The following GABRB2 variants were observed in gnomAD, a reference collection of about 807,000 sequenced individuals.
GABRB2 encodes gamma-aminobutyric acid receptor subunit beta-2.
In GABRB2, 16 loss-of-function variants were observed where a neutral mutation model predicts 54.7. The ratio of observed to expected loss-of-function variants is 0.29; its 90% CI spans 0.20 to 0.44. GABRB2 has a LOEUF of 0.44. Among genes scored for constraint, GABRB2 ranks in the 20% least tolerant of loss-of-function variants. GABRB2 has a pLI of 1.00. For missense variants in GABRB2, 355 were observed against 644.0 expected, an observed-to-expected ratio of 0.55 and a Z score of 4.86; for synonymous variants, 244 against 233.8, an observed-to-expected ratio of 1.04 and a Z score of -0.40.
intron 4 of GABRB2, among the ~76,000 whole-genome samples, chr5:161,424,903 T>C (rs1024135112): frequency 1.3e-4 from 20 of 152,122 alleles, no homozygotes; most frequent in African/African-American, 4.6e-4. Context: ...CCAACATTAA[T>C]AAGAGTTTAG....
chr5:161,331,500 T>A (rs1436319893), intron 7 of GABRB2, among the ~76,000 whole-genome samples: 1 of 152,134 alleles, frequency 6.6e-6, no homozygotes, highest in Non-Finnish European at 1.5e-5. Context: ...TAGAGACTTT[T>A]GAGCTGATTT....
chr5:161,319,268 C>T (rs1758137936), intron 9 of GABRB2, among the ~76,000 whole-genome samples: 1 of 150,600 alleles, frequency 6.6e-6, no homozygotes. Context: ...AACACAGAGA[C>T]CCAGGCAAGG....
rs367696460 is a variant in GABRB2, at chr5:161,521,356, T to A, written c.237+23871A>T. Reference sequence around the variant, plus strand: ...CAGTAAGTAGAGCAGTGAATGTGAGTCTGTAGAATCAGAATTCTAGTTGAA... The same window carrying A: ...CAGTAAGTAGAGCAGTGAATGTGAGACTGTAGAATCAGAATTCTAGTTGAA... On this transcript the variant is annotated intron_variant, in intron 3 of 9. Transcript: ENST00000393959. Among the ~76,000 whole-genome samples the A allele has an allele frequency of 1.6e-3, 247 of 152,042 alleles. 4 individuals carry two copies. Among genetic ancestry groups the A allele is most frequent in the African/African-American group, 5.7e-3 (237 of 41,520 alleles).
intron 5 of GABRB2, among the ~76,000 whole-genome samples, chr5:161,349,517 GCTGTATTTATTGATGCA>G (rs1199972224): frequency 6.6e-6 from 1 of 152,070 alleles, no homozygotes; most frequent in Admixed American, 6.6e-5. Context: ...TGGAGTGTAG[GCTGTATTTATTGATGCA>G]CTTCTGAAAA....
At chr5:161,501,040 T>C (rs1759422872) in intron 3 of GABRB2, among the ~76,000 whole-genome samples, 1 of 149,208 alleles carries the variant, frequency 6.7e-6, no homozygotes, top group Non-Finnish European at 1.5e-5. Context: ...TGTGTCCATG[T>C]GTATTTTTAA....
intron 9 of GABRB2, among the ~76,000 whole-genome samples, chr5:161,309,866 C>T (rs189938068): frequency 0.011 from 1,697 of 152,200 alleles, 35 homozygotes; most frequent in African/African-American, 0.037. Flanking sequence ...CTCCTGACCT[C>T]GTGATCTGCC....
At chr5:161,340,381 T>C (rs1207675424) in intron 5 of GABRB2, among the ~76,000 whole-genome samples, 1 of 152,048 alleles carries the variant, frequency 6.6e-6, no homozygotes, top group Non-Finnish European at 1.5e-5. Flanking sequence ...ATATAAATGC[T>C]TTCTCCAGAT....
At chr5:161,395,969 A>T (rs556118317) in intron 5 of GABRB2, among the ~76,000 whole-genome samples, 2 of 152,306 alleles carry the variant, frequency 1.3e-5, no homozygotes, top group African/African-American at 4.8e-5. Context: ...CCAGGAAATA[A>T]TGTCAAGGAG....
At chr5:161,334,996 G>T in intron 6 of GABRB2, 92 bp from the exon 7 acceptor site, 1 of 1,284,962 alleles carries the variant, frequency 7.8e-7, no homozygotes, top group Non-Finnish European at 1.1e-6. Context: ...TCTTCTCTCA[G>T]TTCAGTTTTA....
intron 7 of GABRB2, 57 bp downstream of exon 7, chr5:161,334,695 G>T: frequency 1.3e-6 from 2 of 1,576,300 alleles, no homozygotes; most frequent in South Asian, 2.3e-5. Flanking sequence ...GCGTGCATGC[G>T]AACACAGAAA....
chr5:161,341,790 A>G (rs1263929002), intron 5 of GABRB2, among the ~76,000 whole-genome samples: 2 of 150,610 alleles, frequency 1.3e-5, no homozygotes, highest in African/African-American at 2.4e-5. Flanking sequence ...CTGTCAATCT[A>G]TATATTTTGT....
intron 9 of GABRB2, among the ~76,000 whole-genome samples, chr5:161,313,198 T>G (rs886790623): frequency 6.6e-6 from 1 of 152,178 alleles, no homozygotes; most frequent in Non-Finnish European, 1.5e-5. Flanking sequence ...GTCTCGTGTT[T>G]GTTATATAAC....
At chr5:161,433,187 G>C (rs891536521) in intron 4 of GABRB2, among the ~76,000 whole-genome samples, 1 of 152,068 alleles carries the variant, frequency 6.6e-6, no homozygotes, top group Admixed American at 6.6e-5. Context: ...TATACATTGA[G>C]AAACATGTAT....
intron 4 of GABRB2, among the ~76,000 whole-genome samples, chr5:161,427,188 C>T (rs1259228627): frequency 1.3e-5 from 2 of 152,054 alleles, no homozygotes; most frequent in African/African-American, 2.4e-5. Context: ...TGAACTCTGT[C>T]TAACTGGAGA....
chr5:161,366,998 G>T (rs189653338), intron 5 of GABRB2, among the ~76,000 whole-genome samples: 1 of 152,122 alleles, frequency 6.6e-6, no homozygotes, highest in Admixed American at 6.5e-5. Context: ...CTCTATTGTT[G>T]ATAAAGATTA....
intron 5 of GABRB2, among the ~76,000 whole-genome samples, chr5:161,381,456 G>C (rs377323346): frequency 1.3e-5 from 2 of 152,216 alleles, no homozygotes; most frequent in East Asian, 3.9e-4. Flanking sequence ...AAAGACTCAG[G>C]GTGGGGAATT....
chr5:161,306,433 T>C (rs1757693774), intron 9 of GABRB2, among the ~76,000 whole-genome samples: 1 of 152,228 alleles, frequency 6.6e-6, no homozygotes, highest in African/African-American at 2.4e-5. Flanking sequence ...TTTCCATATA[T>C]TCCTACTCCT....
intron 4 of GABRB2, among the ~76,000 whole-genome samples, chr5:161,411,412 A>G (rs560693189): frequency 2.0e-5 from 3 of 152,338 alleles, no homozygotes; most frequent in African/African-American, 4.8e-5. Flanking sequence ...TGGGCAAAGA[A>G]TATTCCCATT....
intron 5 of GABRB2, among the ~76,000 whole-genome samples, chr5:161,341,952 T>TATATATAC (rs1209205545): frequency 1.3e-5 from 1 of 76,564 alleles, no homozygotes; most frequent in Non-Finnish European, 3.1e-5. Context: ...TATATATATA[T>TATATATAC]ATATATATAT....
Sources: allele counts gnomAD v4.1 joint callset (sites outside exome capture counted in the v4.1 genomes callset), GRCh38; gene constraint gnomAD v4.1.1; transcripts MANE v1.5; gene names NCBI Gene and HGNC (gene_info 2026-07-23, HGNC 2026-07-21).